TBC1D5: variants seen among roughly 807,000 people sequenced by gnomAD.
TBC1D5 encodes TBC1 domain family, member 5.
TBC1D5 carries 75 observed loss-of-function variants against 100.3 expected under a neutral mutation model. The observed-to-expected ratio is 0.75, with a 90% CI of 0.62 to 0.91. The LOEUF (loss-of-function observed/expected upper bound fraction) is 0.91. TBC1D5 is among the 40% of genes least tolerant of loss of function. The probability of loss-of-function intolerance (pLI) is 0.00; values close to 1 mark genes in which losing one functional copy is unlikely to be tolerated. For missense variants in TBC1D5, 910 were observed against 942.4 expected (o/e 0.97, Z 0.45); for synonymous variants, 323 against 325.6 (o/e 0.99, Z 0.09).
At chr3:17,324,612 C>CT (rs1436401397) in intron 13 of TBC1D5, among the ~76,000 whole-genome samples, 1 of 151,898 alleles carries the variant, frequency 6.6e-6, no homozygotes, top group Non-Finnish European at 1.5e-5. Flanking sequence ...CCACTGCACT[C>CT]TATCCTCGAC....
rs978851592 is a variant in TBC1D5, at chr3:17,452,339, T to G, written c.98-23820A>C. On this transcript the variant is annotated intron_variant, in intron 3 of 21. Coordinates refer to ENST00000253692, the Ensembl canonical transcript of TBC1D5. ...AACATTAAATGTACATAGACTAAAC[T>G]GTCAAATTAAAGGGCATAAAGACAG... Among the ~76,000 whole-genome samples, 4 of 151,988 alleles carry G rather than the reference T, an allele frequency of 2.6e-5. No homozygotes were observed. The South Asian group carries it at 8.3e-4, about 31-fold the overall frequency.
chr3:17,447,418 T>A (rs1448037775), intron 3 of TBC1D5, among the ~76,000 whole-genome samples: 2 of 152,126 alleles, frequency 1.3e-5, no homozygotes, highest in Non-Finnish European at 2.9e-5. Context: ...GAATACAAGA[T>A]TCCTGAGAAG....
chr3:17,593,497 G>A (rs150104306), intron 2 of TBC1D5, among the ~76,000 whole-genome samples: 164 of 152,308 alleles, frequency 1.1e-3, no homozygotes, highest in African/African-American at 3.4e-3. Context: ...CTGGTGACAG[G>A]TTGATTATAC....
chr3:17,166,852 A>G (rs781516535), exon 21 of TBC1D5: 29 of 1,614,110 alleles, frequency 1.8e-5, no homozygotes, highest in Non-Finnish European at 2.4e-5. Context: ...GTTGTCCGCA[A>G]TGGTGATCTG....
chr3:17,329,800 A>T (rs2086650512), intron 13 of TBC1D5, among the ~76,000 whole-genome samples: 1 of 152,164 alleles, frequency 6.6e-6, no homozygotes, highest in African/African-American at 2.4e-5. Context: ...AACAATAACC[A>T]TTTCAAAGAT....
intron 14 of TBC1D5, among the ~76,000 whole-genome samples, chr3:17,296,825 G>C: frequency 6.6e-6 from 1 of 152,136 alleles, no homozygotes; most frequent in East Asian, 1.9e-4. Flanking sequence ...TATTATTCTA[G>C]CAGATTTTGT....
At position 17,470,512 on chromosome 3, in the gene TBC1D5, T is replaced by C. The variant is rs1307642358; in HGVS notation, c.97+37962A>G. 3.3e-5 allele frequency among the ~76,000 whole-genome samples: 5 copies of C among 152,300 alleles called. No individual in the cohort carries two copies. The South Asian group carries it at 8.3e-4, about 25-fold the overall frequency. On this transcript the variant is annotated intron_variant, in intron 3 of 21. Coordinates refer to ENST00000253692, the Ensembl canonical transcript of TBC1D5. ...GTATATCTATATTTCTATAAATCAA[T>C]CTATATTGGTGTTATAAAGAGCTTT...
At chr3:17,363,002 GC>G (rs199676484) in intron 13 of TBC1D5, among the ~76,000 whole-genome samples, 1,651 of 151,906 alleles carry the variant, frequency 0.011, 11 homozygotes, top group Middle Eastern at 0.031. Context: ...TGTTAGTCTT[GC>G]TAGTGTCTGT....
chr3:17,690,342 A>C (rs1238552992), intron 1 of TBC1D5, among the ~76,000 whole-genome samples: 1 of 77,098 alleles, frequency 1.3e-5, no homozygotes, highest in Non-Finnish European at 2.5e-5. Flanking sequence ...TCAGCCTCCC[A>C]AGTAGCTGGG....
intron 18 of TBC1D5, among the ~76,000 whole-genome samples, chr3:17,212,191 G>A (rs1575998337): frequency 6.6e-6 from 1 of 152,174 alleles, no homozygotes; most frequent in African/African-American, 2.4e-5. Flanking sequence ...GATATTAGGT[G>A]TTAAACTACA....
At chr3:17,380,997 G>A (rs1450217921) in intron 9 of TBC1D5, among the ~76,000 whole-genome samples, 1 of 152,092 alleles carries the variant, frequency 6.6e-6, no homozygotes, top group Non-Finnish European at 1.5e-5. Context: ...AATTTGATCT[G>A]GCTAAATATT....
rs567134139 is a variant in TBC1D5 at position 17,443,742 on chromosome 3, T to C, written c.98-15223A>G. On this transcript the variant is annotated intron_variant, in intron 3 of 21. Transcript: ENST00000253692. ...ATTAAAAAGAACCAAATGGAAATCT[T>C]AGAACTGTAAAGAACAATACCTGAA... is the stretch of plus-strand genomic sequence containing the variant. 4.6e-5 allele frequency among the ~76,000 whole-genome samples: 7 copies of C among 152,262 alleles called. No homozygotes were observed. The East Asian group carries it at 9.6e-4, about 21-fold the overall frequency.
intron 2 of TBC1D5, among the ~76,000 whole-genome samples, chr3:17,603,944 G>C (rs1056696996): frequency 1.3e-5 from 2 of 151,888 alleles, no homozygotes; most frequent in African/African-American, 4.8e-5. Context: ...CACGCCCGGC[G>C]CTATTCCTTT....
intron 2 of TBC1D5, among the ~76,000 whole-genome samples, chr3:17,516,828 T>C: frequency 6.6e-6 from 1 of 152,170 alleles, no homozygotes; most frequent in Admixed American, 6.5e-5. Flanking sequence ...AGGTCCTAAA[T>C]TCAGGCTAAT....
intron 13 of TBC1D5, among the ~76,000 whole-genome samples, chr3:17,357,574 T>A (rs1006979614): frequency 6.6e-5 from 10 of 152,172 alleles, no homozygotes; most frequent in Non-Finnish European, 1.5e-4. Flanking sequence ...ATTTGTTATA[T>A]GGGGACTGAC....
At chr3:17,544,413 G>A (rs1240039122) in intron 2 of TBC1D5, among the ~76,000 whole-genome samples, 1 of 152,032 alleles carries the variant, frequency 6.6e-6, no homozygotes, top group African/African-American at 2.4e-5. Context: ...GGCACTCTGG[G>A]AGGCCAAAGC....
At chr3:17,307,682 C>T (rs1334114307) in intron 14 of TBC1D5, among the ~76,000 whole-genome samples, 1 of 152,056 alleles carries the variant, frequency 6.6e-6, no homozygotes, top group Admixed American at 6.6e-5. Context: ...CAAATACTTG[C>T]TTTTATATAT....
intron 8 of TBC1D5, among the ~76,000 whole-genome samples, chr3:17,401,275 T>C (rs1200474355): frequency 6.8e-6 from 1 of 147,088 alleles, no homozygotes; most frequent in African/African-American, 2.5e-5. Context: ...TGTATGTGTA[T>C]AATACACATA....
intron 1 of TBC1D5, among the ~76,000 whole-genome samples, chr3:17,673,901 G>T (rs752801333): frequency 3.3e-5 from 5 of 152,092 alleles, no homozygotes; most frequent in Non-Finnish European, 5.9e-5. Flanking sequence ...CCACCATGCA[G>T]ATCTCCTGAA....
Sources: allele counts gnomAD v4.1 joint callset (sites outside exome capture counted in the v4.1 genomes callset), GRCh38; gene constraint gnomAD v4.1.1; transcripts MANE v1.5; gene names NCBI Gene and HGNC (gene_info 2026-07-23, HGNC 2026-07-21).